The following RIC1 variants were observed in gnomAD, a reference collection of about 807,000 sequenced individuals.
RIC1 encodes the protein RIC1 partner of RAB6A GEF complex, also known as guanine nucleotide exchange factor subunit RIC1.
RIC1 carries 88 observed loss-of-function variants against 169.0 expected under a neutral mutation model. That is an observed-to-expected ratio of 0.52 (90% CI 0.44 to 0.62). The LOEUF (loss-of-function observed/expected upper bound fraction) is 0.62, where lower values mean the gene tolerates loss of function less well. Among genes scored for constraint, RIC1 ranks in the 20% least tolerant of loss-of-function variants. The pLI is 0.00. For synonymous variants in RIC1, 790 were observed against 601.5 expected (o/e 1.31, Z -4.59); for missense variants, 1,877 against 1,725.5 (o/e 1.09, Z -1.56).
rs1271224532 is a variant in RIC1 at position 5,776,410 on chromosome 9, A to G, written c.*2164A>G. 1.3e-5 allele frequency: 2 copies of G among 152,098 alleles called. No homozygotes were observed. Among genetic ancestry groups the G allele is most frequent in the Non-Finnish European group, 2.9e-5 (2 of 67,974 alleles). The allele number at this position is 152,098 out of a possible 1,614,324, so 9.4% of individuals were successfully genotyped here. A position where few individuals can be genotyped will look rare whatever the true frequency, so the allele number is the denominator to read the frequency against. ...TAACTATTTGAGGTTTACTAGATGC[A>G]TTTATTAATAAATTATTTGCTGAAA... is the stretch of plus-strand genomic sequence containing the variant. On this transcript the variant is annotated 3_prime_UTR_variant, in exon 26 of 26. Coordinates refer to ENST00000414202, the MANE Select transcript of RIC1 (RefSeq NM_020829.4).
chr9:5,763,389 G>A lies in RIC1; in HGVS notation c.2362G>A (p.Val788Ile). 1 of 1,614,124 alleles carries A rather than the reference G, an allele frequency of 6.2e-7. No homozygotes were observed. The highest frequency in any genetic ancestry group is 8.5e-7 in the Non-Finnish European group (1 of 1,180,020). The change falls in exon 19 of 26, where the codon GTC becomes ATC. Residue 788 changes from valine to isoleucine, a missense_variant. Val to Ile is a conservative substitution (Grantham distance 29). Coordinates refer to ENST00000414202, the MANE Select transcript of RIC1 (RefSeq NM_020829.4). This position sits in a 1 kb window ranked among gnomAD's most constrained non-coding sequence, Gnocchi z 5.2. ...AGCTGTTCTGTTTGAAGATGCTTTAGTCCTTGGTGCTGTCAATGACACTTT... is the reference window on the plus strand; with the variant it reads ...AGCTGTTCTGTTTGAAGATGCTTTAATCCTTGGTGCTGTCAATGACACTTT... ...PLAVLFEDAL[V>I]LGAVNDTLLY...
chr9:5,695,809 G>A (rs1422255404), intron 3 of RIC1, among the ~76,000 whole-genome samples: 1 of 151,968 alleles, frequency 6.6e-6, no homozygotes, highest in African/African-American at 2.4e-5. Context: ...GACCTCAAGT[G>A]ATCTGCCTGC....
At chr9:5,753,309 C>T in intron 13 of RIC1, 71 bp downstream of exon 13, 9 of 1,310,356 alleles carry the variant, frequency 6.9e-6, no homozygotes, top group Non-Finnish European at 1.0e-5. Flanking sequence ...CTGGGAAGAG[C>T]CCTTCAGTGG....
intron 2 of RIC1, among the ~76,000 whole-genome samples, chr9:5,689,254 C>T (rs940576823): frequency 4.4e-4 from 66 of 151,690 alleles, no homozygotes; most frequent in South Asian, 8.3e-4. Context: ...GGTTTCACCA[C>T]GTTAGCCAGA....
Position 5,763,084 on chromosome 9 carries a change from T to G in RIC1, c.2113-56T>G. On this transcript the variant is annotated intron_variant, in intron 18 of 25. Transcript: ENST00000414202. This position sits in a 1 kb window ranked among gnomAD's most constrained non-coding sequence, Gnocchi z 5.2. ...CTTAGTAAACTAGTACCTAGGAACT[T>G]AAGAACCTGCAGATTTAATAGGAAA... The G allele has an allele frequency of 3.2e-6, 5 of 1,569,518 alleles. No homozygotes were observed. The Admixed American group carries it at 9.2e-5, about 29-fold the overall frequency.
At chr9:5,760,472 G>C (rs1431041713) in intron 17 of RIC1, among the ~76,000 whole-genome samples, 2 of 152,168 alleles carry the variant, frequency 1.3e-5, no homozygotes, top group African/African-American at 4.8e-5. Context: ...TAAAACTTAA[G>C]GTAGTCATTA....
chr9:5,749,305 G>C (rs4742122), intron 12 of RIC1, among the ~76,000 whole-genome samples: 1 of 152,008 alleles, frequency 6.6e-6, no homozygotes, highest in African/African-American at 2.4e-5. Context: ...CCTGTATTTC[G>C]CTGGCACTCC....
chr9:5,695,153 C>T (rs1821814566), intron 3 of RIC1, among the ~76,000 whole-genome samples: 1 of 151,982 alleles, frequency 6.6e-6, no homozygotes, highest in Non-Finnish European at 1.5e-5. Flanking sequence ...AAAAGGATCT[C>T]AAAGATGATG....
chr9:5,739,367 A>T (rs890689131), intron 8 of RIC1, among the ~76,000 whole-genome samples: 1 of 152,118 alleles, frequency 6.6e-6, no homozygotes, highest in Non-Finnish European at 1.5e-5. Context: ...AGTGGGCCCA[A>T]ATCAATAAAT....
intron 6 of RIC1, among the ~76,000 whole-genome samples, chr9:5,731,848 G>C (rs1343391602): frequency 6.6e-6 from 1 of 152,144 alleles, no homozygotes; most frequent in Non-Finnish European, 1.5e-5. Flanking sequence ...ATTTTGAGGA[G>C]TGAAAGCAGT....
Position 5,762,622 on chromosome 9 carries a change from C to G in RIC1, c.2074C>G (p.Arg692Gly). The G allele has an allele frequency of 6.2e-7, 1 of 1,613,844 alleles. No individual in the cohort carries two copies. Among genetic ancestry groups the G allele is most frequent in the Non-Finnish European group, 8.5e-7 (1 of 1,179,906 alleles). Residue 692 changes from arginine (R) to glycine (G), a missense_variant, in exon 18 of 26, where the codon CGG becomes GGG. Transcript: ENST00000414202. ...MQRDRSGPQI[R>G]EKDSNPNNQR... The stretch of plus-strand genomic sequence containing the variant: ...GAGGGACAGGTCAGGCCCACAGATC[C>G]GGGAGAAGGACAGTAACCCTAATAA...
intron 1 of RIC1, among the ~76,000 whole-genome samples, chr9:5,641,633 G>GTAAGCAAAGTTTCCCAAATTTA (rs1554656256): frequency 1.4e-5 from 2 of 145,094 alleles, no homozygotes; most frequent in African/African-American, 2.8e-5. Flanking sequence ...GGTCTCCTCT[G>GTAAGCAAAGTTTCCCAAATTTA]ACTATATTGT....
At chr9:5,714,922 C>T (rs546074891) in intron 4 of RIC1, among the ~76,000 whole-genome samples, 3 of 152,218 alleles carry the variant, frequency 2.0e-5, no homozygotes, top group African/African-American at 7.2e-5. Context: ...TTAAAAAAAT[C>T]CCTCTGACTC....
At chr9:5,689,075 G>C (rs1320201533) in intron 2 of RIC1, among the ~76,000 whole-genome samples, 1 of 130,594 alleles carries the variant, frequency 7.7e-6, no homozygotes, top group Non-Finnish European at 1.6e-5. Context: ...TTGAGACGGA[G>C]TCTCGCTCTG....
chr9:5,660,112 T>A (rs1819359290), intron 2 of RIC1, among the ~76,000 whole-genome samples: 1 of 152,184 alleles, frequency 6.6e-6, no homozygotes, highest in Non-Finnish European at 1.5e-5. Context: ...GGTATTTGAT[T>A]TTCTGTTCCT....
At chr9:5,684,196 C>G (rs953175485) in intron 2 of RIC1, among the ~76,000 whole-genome samples, 2 of 137,312 alleles carry the variant, frequency 1.5e-5, no homozygotes, top group African/African-American at 2.7e-5. Flanking sequence ...GTTGTAAATG[C>G]AGAAATCACC....
intron 2 of RIC1, among the ~76,000 whole-genome samples, chr9:5,686,305 C>A (rs1047366191): frequency 1.3e-5 from 2 of 152,024 alleles, no homozygotes; most frequent in South Asian, 4.2e-4. Flanking sequence ...ATAAATCATG[C>A]CGCTATAAAG....
intron 7 of RIC1, among the ~76,000 whole-genome samples, chr9:5,734,085 T>A (rs1358559710): frequency 4.8e-5 from 7 of 147,366 alleles, no homozygotes; most frequent in Non-Finnish European, 1.0e-4. Context: ...AATATATATT[T>A]TAAATATATA....
At chr9:5,638,918 TTTC>T (rs1282887740) in intron 1 of RIC1, among the ~76,000 whole-genome samples, 1 of 152,106 alleles carries the variant, frequency 6.6e-6, no homozygotes, top group Non-Finnish European at 1.5e-5. Context: ...ATTTGAAGTT[TTTC>T]TTCTTGTTTT....
Sources: gnomAD v4.1 joint callset for allele counts (sites outside exome capture counted in the v4.1 genomes callset) on GRCh38, gnomAD v4.1.1 for gene constraint, Gnocchi (gnomAD v3.1) non-coding constraint, MANE v1.5 for transcripts, NCBI Gene and HGNC (gene_info 2026-07-23, HGNC 2026-07-21) for gene names.